CKS2: variants seen among roughly 807,000 people sequenced by gnomAD.
The protein encoded by CKS2 is CDC28 protein kinase regulatory subunit 2.
Under a neutral mutation model 14.3 loss-of-function variants are expected in CKS2, and 4 were observed. That is an observed-to-expected ratio of 0.28 (90% CI 0.14 to 0.64). The LOEUF (loss-of-function observed/expected upper bound fraction) is 0.64, where lower values mean the gene tolerates loss of function less well. CKS2 is among the 30% of genes least tolerant of loss of function. CKS2 has a pLI of 0.83. For synonymous variants in CKS2, 33 were observed against 28.7 expected, an observed-to-expected ratio of 1.15 and a Z score of -0.48; for missense variants, 71 against 94.3, an observed-to-expected ratio of 0.75 and a Z score of 1.02.
chr9:89,316,277 G>C (rs1164777752), intron 2 of CKS2, 96 bp from the exon 3 acceptor site: 1 of 807,628 alleles, frequency 1.2e-6, no homozygotes, highest in African/African-American at 1.7e-5. Flanking sequence ...AGTGGACTTA[G>C]TTTATTTTAT....
chr9:89,313,293 C>T (rs1048580352), intron 1 of CKS2, among the ~76,000 whole-genome samples: 2 of 152,134 alleles, frequency 1.3e-5, no homozygotes, highest in African/African-American at 4.8e-5. Context: ...TTCTTAATTA[C>T]AAACTTAATT....
At chr9:89,314,492 GTTT>G (rs749841278) in intron 1 of CKS2, among the ~76,000 whole-genome samples, 1 of 152,208 alleles carries the variant, frequency 6.6e-6, no homozygotes, top group Non-Finnish European at 1.5e-5. Context: ...GTGGTTTTCT[GTTT>G]TTAATTTTGA....
chr9:89,316,585 G>A lies in CKS2; in HGVS notation c.*160G>A. ...AGAGCTCAGTTAAATGCAACTGCAA[G>A]TAGGTTACTGTAAGATGTTTAAGAT... On this transcript the variant is annotated 3_prime_UTR_variant, in exon 3 of 3. Coordinates refer to ENST00000314355, the MANE Select transcript of CKS2 (RefSeq NM_001827.3). 2.1e-6 allele frequency: 1 copy of A among 470,372 alleles called. No homozygotes were observed. Among genetic ancestry groups the A allele is most frequent in the East Asian group, 3.3e-5 (1 of 30,632 alleles). The allele number at this position is 470,372 out of a possible 1,614,324, so 29.1% of individuals were successfully genotyped here.
chr9:89,315,129 G>T, intron 1 of CKS2, 41 bp from the exon 2 acceptor site: 1 of 1,560,226 alleles, frequency 6.4e-7, no homozygotes, highest in Non-Finnish European at 8.7e-7. Flanking sequence ...GACAGTTGTA[G>T]AAAAGGCACT....
At chr9:89,312,881 A>G (rs1400504293) in intron 1 of CKS2, among the ~76,000 whole-genome samples, 1 of 152,230 alleles carries the variant, frequency 6.6e-6, no homozygotes, top group Non-Finnish European at 1.5e-5. Flanking sequence ...TAGGATAAGG[A>G]TTTAAGGGTC....
Position 89,315,194 on chromosome 9 carries a change from T to C in CKS2, c.84T>C (p.Leu28=). The change falls in exon 2 of 3, where the codon CTT becomes CTC. Residue 28 remains leucine, a synonymous_variant. Coordinates refer to ENST00000314355, the MANE Select transcript of CKS2 (RefSeq NM_001827.3). The part of the protein sequence containing the change: ...EYRHVMLPRE[L]SKQVPKTHLM... Reference sequence around the variant, plus strand: ...GGCATGTTATGTTACCCAGAGAACTTTCCAAACAAGTACCTAAAACTCATC... The same window carrying C: ...GGCATGTTATGTTACCCAGAGAACTCTCCAAACAAGTACCTAAAACTCATC... 2 of 1,610,348 alleles carry C rather than the reference T, an allele frequency of 1.2e-6. No individual in the cohort carries two copies. Among genetic ancestry groups the C allele is most frequent in the Non-Finnish European group, 1.7e-6 (2 of 1,178,544 alleles).
intron 1 of CKS2, chr9:89,312,261 TTAAAG>T (rs1295060562): frequency 6.5e-6 from 1 of 154,406 alleles, no homozygotes; most frequent in Non-Finnish European, 1.5e-5. Flanking sequence ...TTCCCCCCAA[TTAAAG>T]TAGATTGGGG....
intron 1 of CKS2, among the ~76,000 whole-genome samples, chr9:89,311,827 T>A (rs1824615629): frequency 6.6e-6 from 1 of 152,242 alleles, no homozygotes; most frequent in African/African-American, 2.4e-5. Context: ...TCCCTGTCGC[T>A]GACGGGGTGA....
chr9:89,312,492 T>C (rs1255677598), intron 1 of CKS2, among the ~76,000 whole-genome samples: 1 of 152,180 alleles, frequency 6.6e-6, no homozygotes, highest in Non-Finnish European at 1.5e-5. Context: ...CTTTGTAGGT[T>C]AGATTTCTCC....
chr9:89,316,627 A>C lies in CKS2; in HGVS notation c.*202A>C, dbSNP rs1824722198. 1 of 415,168 alleles carries C rather than the reference A, an allele frequency of 2.4e-6. No homozygotes were observed. The highest frequency in any genetic ancestry group is 4.2e-5 in the Admixed American group (1 of 23,612). 25.7% of individuals were successfully genotyped at this position (415,168 alleles called of 1,614,324 possible). ...GTTTAAGATAAAAGTTCTTCCAGTC[A>C]GTTTTTCTCTTAAGTGCCTGTTTGA... On this transcript the variant is annotated 3_prime_UTR_variant, in exon 3 of 3. Transcript: ENST00000314355.
At chr9:89,311,579 C>T (rs1824609960) in intron 1 of CKS2, among the ~76,000 whole-genome samples, 2 of 152,214 alleles carry the variant, frequency 1.3e-5, no homozygotes, top group Non-Finnish European at 1.5e-5. Context: ...GTTCGGTGTG[C>T]GCGGAGGGTG....
At position 89,311,285 on chromosome 9, in the gene CKS2, C is replaced by G; in HGVS notation, c.-8C>G. 6.2e-7 allele frequency: 1 copy of G among 1,610,096 alleles called. No individual in the cohort carries two copies. Among genetic ancestry groups the G allele is most frequent in the Non-Finnish European group, 8.5e-7 (1 of 1,178,194 alleles). The stretch of plus-strand genomic sequence containing the variant: ...CTCTCGTTTCATTTTCTGCAGCGCG[C>G]CAGCAGGATGGCCCACAAGCAGATC... On this transcript the variant is annotated 5_prime_UTR_variant, in exon 1 of 3. Coordinates refer to ENST00000314355, the MANE Select transcript of CKS2 (RefSeq NM_001827.3).
chr9:89,313,536 C>G (rs1277703085), intron 1 of CKS2, among the ~76,000 whole-genome samples: 1 of 152,196 alleles, frequency 6.6e-6, no homozygotes, highest in Non-Finnish European at 1.5e-5. Context: ...TGGCAAAATA[C>G]AGGTAGAATC....
chr9:89,314,034 T>C lies in CKS2; in HGVS notation c.60-1136T>C, dbSNP rs74688738. ...TGCTTATAGCGGGTTAGGGATTCAG[T>C]TTACTGTGTCTCAGAAAGTGACCAG... On this transcript the variant is annotated intron_variant, in intron 1 of 2. Transcript: ENST00000314355. 7.1e-3 allele frequency among the ~76,000 whole-genome samples: 1,077 copies of C among 152,322 alleles called. 11 individuals are homozygous for C. The highest frequency in any genetic ancestry group is 0.037 in the Middle Eastern group (11 of 294).
At chr9:89,314,021 G>A (rs1015458538) in intron 1 of CKS2, among the ~76,000 whole-genome samples, 1 of 152,192 alleles carries the variant, frequency 6.6e-6, no homozygotes, top group African/African-American at 2.4e-5. Flanking sequence ...CTTATAGCGG[G>A]TTAGGGATTC....
chr9:89,314,563 C>T (rs1487824254), intron 1 of CKS2, among the ~76,000 whole-genome samples: 1 of 152,188 alleles, frequency 6.6e-6, no homozygotes, highest in Non-Finnish European at 1.5e-5. Context: ...GTAGCTACTA[C>T]AAAGCTAGTG....
intron 1 of CKS2, chr9:89,312,272 T>G (rs747589441): frequency 3.2e-5 from 5 of 154,084 alleles, no homozygotes; most frequent in African/African-American, 1.2e-4. Flanking sequence ...TAAAGTAGAT[T>G]GGGGGAAAGC....
chr9:89,315,427 T>TA (rs1587815770), intron 2 of CKS2, 130 bp downstream of exon 2: 2 of 678,430 alleles, frequency 2.9e-6, no homozygotes, highest in African/African-American at 1.9e-5. Context: ...TTTTTTTTTT[T>TA]AATGACTAAT....
chr9:89,313,216 A>G (rs1824651609), intron 1 of CKS2, among the ~76,000 whole-genome samples: 1 of 152,248 alleles, frequency 6.6e-6, no homozygotes, highest in African/African-American at 2.4e-5. Context: ...TGCAGCATGC[A>G]ATGTAAATTT....
Sources: allele counts gnomAD v4.1 joint callset (sites outside exome capture counted in the v4.1 genomes callset), GRCh38; gene constraint gnomAD v4.1.1; transcripts MANE v1.5; gene names NCBI Gene and HGNC (gene_info 2026-07-23, HGNC 2026-07-21).